Variants in PRR16 observed in about 807,000 individuals in gnomAD.
PRR16 encodes the protein proline rich 16.
A neutral mutation model predicts 18.2 loss-of-function variants in PRR16; 6 were observed. The observed-to-expected ratio is 0.33, with a 90% CI of 0.18 to 0.65. The LOEUF (loss-of-function observed/expected upper bound fraction) is 0.65. Ranked by LOEUF, PRR16 falls within the 30% of genes least tolerant of loss-of-function variation. The pLI is 0.74. For missense variants in PRR16, 412 were observed against 376.6 expected (o/e 1.09, Z -0.78); for synonymous variants, 151 against 147.8 (o/e 1.02, Z -0.16).
At chr5:120,617,452 A>C (rs1754549763) in intron 1 of PRR16, among the ~76,000 whole-genome samples, 1 of 152,208 alleles carries the variant, frequency 6.6e-6, no homozygotes, top group Non-Finnish European at 1.5e-5. Flanking sequence ...ATAAGGAAAT[A>C]AGTATAATAA....
chr5:120,746,412 G>A, the PRR16 span, among the ~76,000 whole-genome samples: 1 of 111,858 alleles, frequency 8.9e-6, no homozygotes, highest in Non-Finnish European at 1.8e-5. Context: ...GAAATTTGGA[G>A]TTACAAGAGG....
chr5:120,538,402 A>C (rs1329240624), intron 1 of PRR16, among the ~76,000 whole-genome samples: 1 of 152,158 alleles, frequency 6.6e-6, no homozygotes, highest in Non-Finnish European at 1.5e-5. Flanking sequence ...TCCACACGTA[A>C]TTTGTCTGTA....
At chr5:120,673,386 GA>G (rs1186402921) in intron 1 of PRR16, among the ~76,000 whole-genome samples, 2 of 152,164 alleles carry the variant, frequency 1.3e-5, no homozygotes, top group African/African-American at 4.8e-5. Context: ...TGAATTAAAT[GA>G]AACCAGGTAC....
At chr5:120,527,605 G>A (rs549207353) in intron 1 of PRR16, among the ~76,000 whole-genome samples, 2 of 152,342 alleles carry the variant, frequency 1.3e-5, no homozygotes, top group Non-Finnish European at 2.9e-5. Context: ...ATATTTAGAT[G>A]TAGAGTGCAA....
At chr5:120,555,127 A>G (rs1342701335) in intron 1 of PRR16, among the ~76,000 whole-genome samples, 2 of 151,972 alleles carry the variant, frequency 1.3e-5, no homozygotes, top group Non-Finnish European at 2.9e-5. Context: ...TAATTTACTG[A>G]GCAAATTCAG....
chr5:120,702,920 T>A, the PRR16 span, among the ~76,000 whole-genome samples: 2 of 152,114 alleles, frequency 1.3e-5, no homozygotes, highest in African/African-American at 4.8e-5. Context: ...GGGATTGATC[T>A]CCCAAGGGAG....
intron 1 of PRR16, among the ~76,000 whole-genome samples, chr5:120,535,773 C>G (rs574462217): frequency 1.3e-5 from 2 of 151,472 alleles, no homozygotes; most frequent in South Asian, 2.1e-4. Flanking sequence ...GTACTCAGCC[C>G]GAGTGACAGA....
chr5:120,756,822 G>A, the PRR16 span, among the ~76,000 whole-genome samples: 1 of 151,918 alleles, frequency 6.6e-6, no homozygotes, highest in Non-Finnish European at 1.5e-5. Context: ...GTCAATTTTT[G>A]TTTTTGTTGC....
intron 1 of PRR16, among the ~76,000 whole-genome samples, chr5:120,493,394 G>A (rs979198337): frequency 6.6e-5 from 10 of 151,994 alleles, no homozygotes; most frequent in African/African-American, 1.2e-4. Flanking sequence ...CTACAGCATC[G>A]CTTTTACACT....
At chr5:120,673,028 T>C (rs1322390940) in intron 1 of PRR16, among the ~76,000 whole-genome samples, 1 of 152,150 alleles carries the variant, frequency 6.6e-6, no homozygotes, top group East Asian at 1.9e-4. Context: ...AATCACAAGA[T>C]AGGTGATGAA....
rs185858874 is a variant in PRR16, at chr5:120,571,982, A to G, written c.159+107337A>G. Among the ~76,000 whole-genome samples, 322 of 152,242 alleles carry G rather than the reference A, an allele frequency of 2.1e-3. 1 individual carries two copies. Among genetic ancestry groups the G allele is most frequent in the Non-Finnish European group, 3.8e-3 (257 of 67,998 alleles). ...ATCCATATAGTCTCAGGACCTCCCA[A>G]CATGGGCTTCCCTGCATGGTATCCA... On this transcript the variant is annotated intron_variant, in intron 1 of 1. Transcript: ENST00000407149.
chr5:120,741,807 G>A, the PRR16 span, among the ~76,000 whole-genome samples: 1 of 151,962 alleles, frequency 6.6e-6, no homozygotes, highest in South Asian at 2.1e-4. Context: ...CTCCATGTTG[G>A]CCAGGCTGGT....
At chr5:120,727,882 A>G in the PRR16 span, among the ~76,000 whole-genome samples, 1 of 152,018 alleles carries the variant, frequency 6.6e-6, no homozygotes, top group African/African-American at 2.4e-5. Flanking sequence ...TTTTAAATAC[A>G]TAAAATGCTT....
the PRR16 span, among the ~76,000 whole-genome samples, chr5:120,712,597 TAACA>T: frequency 6.6e-6 from 1 of 151,910 alleles, no homozygotes; most frequent in Admixed American, 6.6e-5. Flanking sequence ...TCAAAATATA[TAACA>T]AACACAATTC....
chr5:120,728,521 A>C, the PRR16 span, among the ~76,000 whole-genome samples: 2 of 152,112 alleles, frequency 1.3e-5, no homozygotes, highest in African/African-American at 2.4e-5. Context: ...GATCATACTA[A>C]ATTCCCATAT....
the PRR16 span, among the ~76,000 whole-genome samples, chr5:120,702,229 C>T: frequency 9.6e-6 from 1 of 103,804 alleles, no homozygotes; most frequent in Non-Finnish European, 2.0e-5. Context: ...AATAAGGGGT[C>T]GGGACACAGA....
At chr5:120,634,594 G>A (rs1422351903) in intron 1 of PRR16, among the ~76,000 whole-genome samples, 2 of 152,162 alleles carry the variant, frequency 1.3e-5, no homozygotes, top group Admixed American at 6.5e-5. Flanking sequence ...AGTGAGCCAA[G>A]ATCATGCCAC....
chr5:120,506,836 A>G (rs1341801419), intron 1 of PRR16, among the ~76,000 whole-genome samples: 1 of 152,076 alleles, frequency 6.6e-6, no homozygotes, highest in Non-Finnish European at 1.5e-5. Context: ...TATTAAGAAG[A>G]GCTTGCCAAC....
At chr5:120,726,163 G>A in the PRR16 span, among the ~76,000 whole-genome samples, 16,843 of 152,046 alleles carry the variant, frequency 0.11, 1,148 homozygotes, top group Non-Finnish European at 0.15. Flanking sequence ...TGCTGATAAC[G>A]CTTTACATTG....
Sources: gnomAD v4.1 joint callset for allele counts (sites outside exome capture counted in the v4.1 genomes callset) on GRCh38, gnomAD v4.1.1 for gene constraint, MANE v1.5 for transcripts, NCBI Gene and HGNC (gene_info 2026-07-23, HGNC 2026-07-21) for gene names.